Variants in HYCC1 observed in about 807,000 individuals in gnomAD.
HYCC1 encodes the protein hyccin.
the HYCC1 span, among the ~76,000 whole-genome samples, chr7:22,911,532 G>C: frequency 6.6e-6 from 1 of 152,170 alleles, no homozygotes; most frequent in African/African-American, 2.4e-5. Context: ...GCCCGAGGTG[G>C]GCGGATCACG....
chr7:22,947,830 G>A, the HYCC1 span, among the ~76,000 whole-genome samples: 1 of 151,986 alleles, frequency 6.6e-6, no homozygotes, highest in East Asian at 1.9e-4. Context: ...GTTAGTAATG[G>A]CACAGGTATA....
chr7:22,941,602 C>T, the HYCC1 span: 15 of 152,156 alleles, frequency 9.9e-5, no homozygotes, highest in African/African-American at 3.1e-4. Flanking sequence ...TAAAAACTTC[C>T]TATTAAGACA....
the HYCC1 span, among the ~76,000 whole-genome samples, chr7:22,949,121 TA>T: frequency 2.0e-5 from 3 of 152,060 alleles, no homozygotes; most frequent in Non-Finnish European, 4.4e-5. Context: ...TAAAATTTAA[TA>T]AAATTTTAAA....
At chr7:22,985,574 T>C in the HYCC1 span, 1 of 152,064 alleles carries the variant, frequency 6.6e-6, no homozygotes, top group Non-Finnish European at 1.5e-5. Flanking sequence ...TGTGGACTAT[T>C]TGGAAACCTT....
chr7:23,013,458 G>T, the HYCC1 span, among the ~76,000 whole-genome samples: 1 of 152,246 alleles, frequency 6.6e-6, no homozygotes, highest in Non-Finnish European at 1.5e-5. Context: ...GAAGTAGAGG[G>T]CGCGAGTGGG....
the HYCC1 span, among the ~76,000 whole-genome samples, chr7:22,932,887 T>C: frequency 1.3e-5 from 2 of 152,140 alleles, no homozygotes; most frequent in Non-Finnish European, 2.9e-5. Context: ...GTTGGAGTCA[T>C]AATGGGTTAG....
At chr7:22,978,604 T>C in the HYCC1 span, among the ~76,000 whole-genome samples, 252 of 152,310 alleles carry the variant, frequency 1.7e-3, 1 homozygote, top group Admixed American at 3.9e-3. Flanking sequence ...AAAATATCCT[T>C]TCTTCCTGGT....
chr7:23,000,035 A>G, the HYCC1 span, among the ~76,000 whole-genome samples: 1 of 152,112 alleles, frequency 6.6e-6, no homozygotes, highest in African/African-American at 2.4e-5. Context: ...AAAATAAAAC[A>G]TACACAAAAA....
the HYCC1 span, among the ~76,000 whole-genome samples, chr7:22,991,414 T>G: frequency 6.6e-6 from 1 of 152,144 alleles, no homozygotes; most frequent in African/African-American, 2.4e-5. Flanking sequence ...TTGGACATTT[T>G]TCCCTAGTTT....
the HYCC1 span, chr7:22,936,034 G>T: frequency 6.7e-6 from 1 of 149,418 alleles, no homozygotes; most frequent in Admixed American, 6.8e-5. Context: ...TCCCATGACT[G>T]AAAGTGTAAT....
the HYCC1 span, among the ~76,000 whole-genome samples, chr7:22,955,261 T>C: frequency 1.3e-5 from 2 of 151,750 alleles, no homozygotes; most frequent in South Asian, 2.1e-4. Context: ...ACAGGACAAC[T>C]TGAATAGCAA....
the HYCC1 span, chr7:22,942,527 C>T: frequency 6.6e-6 from 1 of 152,144 alleles, no homozygotes; most frequent in African/African-American, 2.4e-5. Flanking sequence ...TCCAGTGCCA[C>T]CAGAATACTC....
chr7:22,905,858 C>G, the HYCC1 span, among the ~76,000 whole-genome samples: 7 of 152,004 alleles, frequency 4.6e-5, no homozygotes, highest in Non-Finnish European at 8.8e-5. Flanking sequence ...ATACAAAACT[C>G]TAATAGAGGA....
the HYCC1 span, chr7:22,944,122 A>G: frequency 1.3e-5 from 2 of 152,222 alleles, no homozygotes; most frequent in African/African-American, 4.8e-5. Flanking sequence ...TGGTGACTAC[A>G]GCAAGGGACT....
At chr7:22,931,274 C>A in the HYCC1 span, among the ~76,000 whole-genome samples, 23 of 132,138 alleles carry the variant, frequency 1.7e-4, no homozygotes, top group South Asian at 2.5e-4. Flanking sequence ...AAAAAAAAAA[C>A]CAGCCTGTCA....
At chr7:22,925,557 A>C in the HYCC1 span, among the ~76,000 whole-genome samples, 37,080 of 152,144 alleles carry the variant, frequency 0.24, 4,687 homozygotes, top group East Asian at 0.45. Context: ...GTAACCAATG[A>C]AATGAACTGG....
chr7:22,977,479 A>C, the HYCC1 span: 1 of 1,026,618 alleles, frequency 9.7e-7, no homozygotes, highest in Non-Finnish European at 1.5e-6. Flanking sequence ...CAAATTTACA[A>C]ACTAAATTTA....
At chr7:22,960,125 T>TTAAG in the HYCC1 span, 1 of 946,782 alleles carries the variant, frequency 1.1e-6, no homozygotes, top group Non-Finnish European at 1.7e-6. Context: ...AAATTAGGAG[T>TTAAG]TAAGGGCAAC....
the HYCC1 span, chr7:22,964,555 T>C: frequency 1.5e-6 from 2 of 1,353,814 alleles, no homozygotes; most frequent in Non-Finnish European, 1.1e-6. Context: ...AATAAATGTA[T>C]TTCTAAAATT....
Sources: gnomAD v4.1 joint callset for allele counts (sites outside exome capture counted in the v4.1 genomes callset) on GRCh38, gnomAD v4.1.1 for gene constraint, MANE v1.5 for transcripts, NCBI Gene and HGNC (gene_info 2026-07-23, HGNC 2026-07-21) for gene names.